Variants in ZNF804A observed in about 807,000 individuals in gnomAD.
ZNF804A encodes zinc finger protein 804A.
ZNF804A carries 2 observed loss-of-function variants against 16.5 expected under a neutral mutation model. The ratio of observed to expected loss-of-function variants is 0.12; its 90% CI spans 0.05 to 0.38. The LOEUF (loss-of-function observed/expected upper bound fraction) is 0.38. Among genes scored for constraint, ZNF804A ranks in the 10% least tolerant of loss-of-function variants. ZNF804A has a pLI of 0.99. For synonymous variants in ZNF804A, 534 were observed against 489.6 expected, an observed-to-expected ratio of 1.09 and a Z score of -1.20; for missense variants, 1,473 against 1,390.7, an observed-to-expected ratio of 1.06 and a Z score of -0.94.
At chr2:184,809,594 C>T (rs1217708011) in intron 1 of ZNF804A, among the ~76,000 whole-genome samples, 1 of 151,686 alleles carries the variant, frequency 6.6e-6, no homozygotes, top group Non-Finnish European at 1.5e-5. Flanking sequence ...CAATATTTTA[C>T]TTATAAATAT....
chr2:184,630,067 C>T (rs1691579804), intron 1 of ZNF804A, among the ~76,000 whole-genome samples: 1 of 151,974 alleles, frequency 6.6e-6, no homozygotes, highest in African/African-American at 2.4e-5. Flanking sequence ...AGTTTTTTTC[C>T]ATGAGTTCTT....
intron 1 of ZNF804A, among the ~76,000 whole-genome samples, chr2:184,635,173 G>A (rs554683962): frequency 2.0e-5 from 3 of 152,046 alleles, no homozygotes; most frequent in African/African-American, 4.8e-5. Flanking sequence ...TGTACCTGTC[G>A]AGCAAATAAT....
chr2:184,849,323 G>C (rs555868364), intron 1 of ZNF804A, among the ~76,000 whole-genome samples: 1 of 152,114 alleles, frequency 6.6e-6, no homozygotes, highest in African/African-American at 2.4e-5. Flanking sequence ...CATAGGCTGA[G>C]GCATAACGCA....
intron 1 of ZNF804A, among the ~76,000 whole-genome samples, chr2:184,643,370 T>A (rs894803880): frequency 3.3e-5 from 5 of 151,946 alleles, no homozygotes; most frequent in Non-Finnish European, 7.4e-5. Flanking sequence ...AAAAATACTG[T>A]CTAGGAGTCT....
chr2:184,836,225 A>G (rs191253723), intron 1 of ZNF804A, among the ~76,000 whole-genome samples: 126 of 152,224 alleles, frequency 8.3e-4, no homozygotes, highest in Non-Finnish European at 1.2e-3. Context: ...AAAGAGAAAA[A>G]GGATAGATAA....
chr2:184,798,262 T>G (rs1353630119), intron 1 of ZNF804A, among the ~76,000 whole-genome samples: 2 of 151,912 alleles, frequency 1.3e-5, no homozygotes, highest in East Asian at 3.9e-4. Context: ...TCTTTGTGCT[T>G]TTTTTTATTT....
chr2:184,612,465 T>G (rs1389026634), intron 1 of ZNF804A, among the ~76,000 whole-genome samples: 5 of 147,052 alleles, frequency 3.4e-5, no homozygotes, highest in African/African-American at 7.6e-5. Context: ...GGGGACGGAG[T>G]CTTGCTCTTG....
intron 1 of ZNF804A, among the ~76,000 whole-genome samples, chr2:184,804,559 A>G (rs924253268): frequency 6.6e-6 from 1 of 152,220 alleles, no homozygotes; most frequent in African/African-American, 2.4e-5. Flanking sequence ...TCATATGCAC[A>G]TTGTAGTTTG....
chr2:184,652,336 T>C (rs144190534), intron 1 of ZNF804A, among the ~76,000 whole-genome samples: 34 of 152,284 alleles, frequency 2.2e-4, no homozygotes, highest in African/African-American at 7.5e-4. Context: ...TATTGGGTAC[T>C]ATGTTCAGTA....
At chr2:184,884,071 C>A (rs1414334886) in intron 2 of ZNF804A, among the ~76,000 whole-genome samples, 1 of 151,990 alleles carries the variant, frequency 6.6e-6, no homozygotes, top group Non-Finnish European at 1.5e-5. Context: ...TAGTCTCTGC[C>A]CCAAAGCTCC....
chr2:184,627,193 T>G (rs978081088), intron 1 of ZNF804A, among the ~76,000 whole-genome samples: 3 of 152,176 alleles, frequency 2.0e-5, no homozygotes, highest in African/African-American at 4.8e-5. Context: ...GCCATTTTTT[T>G]GTCAACTCTG....
At chr2:184,910,720 T>A (rs1685342926) in intron 2 of ZNF804A, among the ~76,000 whole-genome samples, 1 of 152,070 alleles carries the variant, frequency 6.6e-6, no homozygotes, top group South Asian at 2.1e-4. Flanking sequence ...ATTTCCCTAA[T>A]GATTAGTAAT....
intron 1 of ZNF804A, among the ~76,000 whole-genome samples, chr2:184,771,455 T>C (rs995511265): frequency 2.0e-5 from 3 of 151,898 alleles, no homozygotes; most frequent in Non-Finnish European, 4.4e-5. Context: ...GCAGTTAAGA[T>C]GTCTCCTGGG....
chr2:184,823,227 G>C (rs62174661), intron 1 of ZNF804A, among the ~76,000 whole-genome samples: 21,646 of 151,988 alleles, frequency 0.14, 1,667 homozygotes, highest in Middle Eastern at 0.24. Context: ...GGGAAAGGCA[G>C]AAAGGGCCCA....
chr2:184,754,310 T>C (rs974292133), intron 1 of ZNF804A, among the ~76,000 whole-genome samples: 1 of 151,946 alleles, frequency 6.6e-6, no homozygotes, highest in Non-Finnish European at 1.5e-5. Flanking sequence ...TATAGACCTA[T>C]ACCAATATGT....
At chr2:184,719,339 G>T (rs762125407) in intron 1 of ZNF804A, among the ~76,000 whole-genome samples, 7 of 151,996 alleles carry the variant, frequency 4.6e-5, no homozygotes, top group South Asian at 2.1e-4. Context: ...TGCCACAAAG[G>T]TCTCTGACAT....
At chr2:184,779,725 G>A (rs1456790679) in intron 1 of ZNF804A, among the ~76,000 whole-genome samples, 2 of 151,678 alleles carry the variant, frequency 1.3e-5, no homozygotes, top group Admixed American at 6.6e-5. Context: ...AGCTGGAAAA[G>A]GTGAAAAAGC....
intron 1 of ZNF804A, among the ~76,000 whole-genome samples, chr2:184,719,414 T>G (rs962847255): frequency 1.3e-5 from 2 of 152,178 alleles, no homozygotes; most frequent in African/African-American, 4.8e-5. Flanking sequence ...TTATGCAAAT[T>G]TCTGCAGCTG....
intron 1 of ZNF804A, among the ~76,000 whole-genome samples, chr2:184,758,444 G>A (rs1006178020): frequency 6.6e-6 from 1 of 151,812 alleles, no homozygotes; most frequent in Non-Finnish European, 1.5e-5. Flanking sequence ...CTATAAAGTA[G>A]ATACTATAAT....
Sources: gnomAD v4.1 joint callset for allele counts (sites outside exome capture counted in the v4.1 genomes callset) on GRCh38, gnomAD v4.1.1 for gene constraint, MANE v1.5 for transcripts, NCBI Gene and HGNC (gene_info 2026-07-23, HGNC 2026-07-21) for gene names.